PREX2: variants seen among roughly 807,000 people sequenced by gnomAD.
The protein encoded by PREX2 is phosphatidylinositol-3,4,5-trisphosphate dependent Rac exchange factor 2, also known as phosphatidylinositol 3,4,5-trisphosphate-dependent Rac exchanger 2 protein.
In PREX2, 107 loss-of-function variants were observed where a neutral mutation model predicts 203.2. That is an observed-to-expected ratio of 0.53 (90% CI 0.45 to 0.62). The LOEUF (loss-of-function observed/expected upper bound fraction) is 0.62, where lower values mean the gene tolerates loss of function less well. PREX2 is among the 20% of genes least tolerant of loss of function. The pLI, the probability that PREX2 is intolerant of heterozygous loss-of-function variation, is 0.00. For missense variants in PREX2, 1,777 were observed against 1,955.9 expected, an observed-to-expected ratio of 0.91 and a Z score of 1.72; for synonymous variants, 672 against 663.6, an observed-to-expected ratio of 1.01 and a Z score of -0.19.
At chr8:68,215,243 T>C (rs927495440) in intron 37 of PREX2, among the ~76,000 whole-genome samples, 28 of 152,238 alleles carry the variant, frequency 1.8e-4, no homozygotes, top group African/African-American at 6.8e-4. Flanking sequence ...AATTGTAGGC[T>C]GTCTGTTAAA....
In PREX2 at chr8:68,038,270, G is replaced by C. The variant is rs967932513; in HGVS notation, c.817G>C (p.Val273Leu). ...RVFFLFDNLL[V>L]YCKRKHRRLK... ...GTTTTTTCTTTTCGATAATCTTTTGGTGTACTGCAAAAGAAAACACAGGTA... is the reference window on the plus strand; with the variant it reads ...GTTTTTTCTTTTCGATAATCTTTTGCTGTACTGCAAAAGAAAACACAGGTA... The change falls in exon 7 of 40, where the codon GTG (valine) becomes CTG (leucine). Residue 273 changes from valine (V) to leucine (L), a missense_variant. Transcript: ENST00000288368. 2 of 1,613,514 alleles carry C rather than the reference G, an allele frequency of 1.2e-6. No individual in the cohort carries two copies. The highest frequency in any genetic ancestry group is 2.7e-5 in the African/African-American group (2 of 74,824).
chr8:68,066,189 T>C (rs969478234), intron 11 of PREX2, among the ~76,000 whole-genome samples: 13 of 152,110 alleles, frequency 8.5e-5, no homozygotes, highest in Non-Finnish European at 1.5e-5. Context: ...AACATGGGGG[T>C]ACAGATATCT....
intron 1 of PREX2, among the ~76,000 whole-genome samples, chr8:67,972,089 G>A (rs1163748715): frequency 6.6e-6 from 1 of 152,184 alleles, no homozygotes; most frequent in Non-Finnish European, 1.5e-5. Flanking sequence ...TTGATGTGAT[G>A]TCCTTAATGG....
intron 25 of PREX2, 147 bp downstream of exon 25, chr8:68,109,770 TA>T: frequency 1.5e-6 from 1 of 660,804 alleles, no homozygotes; most frequent in Non-Finnish European, 2.6e-6. Flanking sequence ...TCCAAAACCT[TA>T]AAAATGTTTT....
intron 17 of PREX2, 124 bp from the exon 18 acceptor site, chr8:68,083,116 C>A: frequency 1.6e-6 from 1 of 609,064 alleles, no homozygotes. Context: ...TATAAAAACA[C>A]GGCAGGTGTG....
chr8:68,102,501 G>T (rs533201973), intron 23 of PREX2, among the ~76,000 whole-genome samples: 1 of 152,188 alleles, frequency 6.6e-6, no homozygotes, highest in Non-Finnish European at 1.5e-5. Flanking sequence ...AGCCCTAATA[G>T]GTCATGTAAG....
chr8:67,991,397 G>A lies in PREX2; in HGVS notation c.142-26449G>A, dbSNP rs117322247. 4.6e-3 allele frequency among the ~76,000 whole-genome samples: 696 copies of A among 152,188 alleles called. 1 individual carries two copies. The highest frequency in any genetic ancestry group is 7.8e-3 in the Non-Finnish European group (533 of 68,016). On this transcript the variant is annotated intron_variant, in intron 1 of 39. Coordinates refer to ENST00000288368, the MANE Select transcript of PREX2 (RefSeq NM_024870.4). ...TGCTATAAGGAAATACCCAAGACTAGGTAATTTATAAAGGAAAGAGGTTTA... is the reference window on the plus strand; with the variant it reads ...TGCTATAAGGAAATACCCAAGACTAAGTAATTTATAAAGGAAAGAGGTTTA...
chr8:68,013,453 A>G (rs1259130403), intron 1 of PREX2, among the ~76,000 whole-genome samples: 1 of 152,088 alleles, frequency 6.6e-6, no homozygotes, highest in Non-Finnish European at 1.5e-5. Flanking sequence ...CTGAGACCCA[A>G]CAGGTCCAGA....
At chr8:67,956,009 A>G (rs1329469041) in intron 1 of PREX2, among the ~76,000 whole-genome samples, 1 of 152,188 alleles carries the variant, frequency 6.6e-6, no homozygotes, top group Non-Finnish European at 1.5e-5. Flanking sequence ...TGTTTCATAT[A>G]TTTTAAATTT....
At chr8:67,973,734 T>C (rs1456579719) in intron 1 of PREX2, among the ~76,000 whole-genome samples, 4 of 152,178 alleles carry the variant, frequency 2.6e-5, no homozygotes, top group Non-Finnish European at 5.9e-5. Flanking sequence ...TTTTTTTGTG[T>C]GGTATATCAC....
intron 1 of PREX2, among the ~76,000 whole-genome samples, chr8:67,982,410 A>G (rs1218573492): frequency 6.6e-6 from 1 of 152,130 alleles, no homozygotes; most frequent in Non-Finnish European, 1.5e-5. Context: ...GCAACAGAGC[A>G]AGACCCTGTC....
At chr8:68,159,058 A>G (rs1271028079) in intron 35 of PREX2, among the ~76,000 whole-genome samples, 3 of 152,210 alleles carry the variant, frequency 2.0e-5, no homozygotes, top group African/African-American at 7.2e-5. Flanking sequence ...ATGCCAGAAC[A>G]GCAACAAAGA....
chr8:68,085,590 A>C (rs149939404), intron 18 of PREX2, among the ~76,000 whole-genome samples: 1 of 152,140 alleles, frequency 6.6e-6, no homozygotes, highest in Non-Finnish European at 1.5e-5. Flanking sequence ...GTAGCAGATA[A>C]TTTAGTACAC....
Position 67,978,299 on chromosome 8 carries a change from C to T in PREX2, c.141+25764C>T, listed in dbSNP as rs551080693. On this transcript the variant is annotated intron_variant, in intron 1 of 39. Coordinates refer to ENST00000288368, the MANE Select transcript of PREX2 (RefSeq NM_024870.4). ...GTTTTTTTTCCCCATATCCTTACAC[C>T]TGTGTAACTAACATCCAGAGCAAGG... Among the ~76,000 whole-genome samples, 7 of 152,184 alleles carry T rather than the reference C, an allele frequency of 4.6e-5. No homozygotes were observed. The East Asian group carries it at 1.2e-3, about 25-fold the overall frequency.
At chr8:68,005,156 C>G (rs771100753) in intron 1 of PREX2, among the ~76,000 whole-genome samples, 2 of 152,150 alleles carry the variant, frequency 1.3e-5, no homozygotes, top group Admixed American at 6.5e-5. Context: ...CCGGTAAATG[C>G]ACTGATATTC....
intron 11 of PREX2, among the ~76,000 whole-genome samples, chr8:68,063,295 G>A (rs1443642293): frequency 6.6e-6 from 1 of 152,138 alleles, no homozygotes; most frequent in East Asian, 1.9e-4. Flanking sequence ...TTTTTCGTGG[G>A]TGTGCATACA....
intron 1 of PREX2, among the ~76,000 whole-genome samples, chr8:67,954,833 T>A (rs1219261546): frequency 1.3e-5 from 2 of 152,184 alleles, no homozygotes; most frequent in Admixed American, 1.3e-4. Context: ...TTTACTTAAC[T>A]GCCCTATAAA....
At chr8:67,960,315 T>C (rs1213303878) in intron 1 of PREX2, among the ~76,000 whole-genome samples, 2 of 152,118 alleles carry the variant, frequency 1.3e-5, no homozygotes, top group African/African-American at 4.8e-5. Context: ...GTGCTACGAT[T>C]ACAGGCGTGA....
chr8:68,228,073 T>C (rs1342654478), intron 39 of PREX2, among the ~76,000 whole-genome samples: 1 of 152,122 alleles, frequency 6.6e-6, no homozygotes, highest in Non-Finnish European at 1.5e-5. Context: ...TGTGATAGGA[T>C]AGAATGGGTA....
Sources: allele counts gnomAD v4.1 joint callset (sites outside exome capture counted in the v4.1 genomes callset), GRCh38; gene constraint gnomAD v4.1.1; transcripts MANE v1.5; gene names NCBI Gene and HGNC (gene_info 2026-07-23, HGNC 2026-07-21).